The following MTDH variants were observed in gnomAD, a reference collection of about 807,000 sequenced individuals.
MTDH encodes the protein protein LYRIC.
Under a neutral mutation model 72.7 loss-of-function variants are expected in MTDH, and 34 were observed. The observed-to-expected ratio is 0.47, with a 90% CI of 0.36 to 0.62. The LOEUF (loss-of-function observed/expected upper bound fraction) is 0.62. Ranked by LOEUF, MTDH falls within the 20% of genes least tolerant of loss-of-function variation. The probability of loss-of-function intolerance (pLI) is 0.00; values close to 1 mark genes in which losing one functional copy is unlikely to be tolerated. For synonymous variants in MTDH, 266 were observed against 268.9 expected (o/e 0.99, Z 0.10); for missense variants, 677 against 699.4 (o/e 0.97, Z 0.36).
At chr8:97,674,826 C>G (rs1318960321) in intron 2 of MTDH, among the ~76,000 whole-genome samples, 1 of 145,756 alleles carries the variant, frequency 6.9e-6, no homozygotes, top group Admixed American at 6.7e-5. Flanking sequence ...TTTTTTTTTT[C>G]TTGAGACAGA....
At chr8:97,656,874 T>G (rs901452155) in intron 1 of MTDH, among the ~76,000 whole-genome samples, 17 of 151,336 alleles carry the variant, frequency 1.1e-4, no homozygotes, top group Non-Finnish European at 2.9e-5. Context: ...ATGACATGTG[T>G]CTAATGCTGA....
At chr8:97,680,612 A>G (rs1417207384) in intron 2 of MTDH, among the ~76,000 whole-genome samples, 1 of 152,190 alleles carries the variant, frequency 6.6e-6, no homozygotes, top group Non-Finnish European at 1.5e-5. Context: ...TAATATCTGT[A>G]TTATGTATAT....
chr8:97,713,374 C>T lies in MTDH; in HGVS notation c.1273-288C>T, dbSNP rs145752333. The stretch of plus-strand genomic sequence containing the variant: ...TGCTGGGATTACAGGCATGAACCAC[C>T]GTGCCCAGCCTCAGTGAGTTTTTAA... On this transcript the variant is annotated intron_variant, in intron 8 of 11. Transcript: ENST00000336273. 6.6e-3 allele frequency among the ~76,000 whole-genome samples: 1,001 copies of T among 152,256 alleles called. 11 individuals are homozygous for T. Among genetic ancestry groups the T allele is most frequent in the African/African-American group, 0.022 (916 of 41,552 alleles).
chr8:97,652,516 A>G (rs1005130515), intron 1 of MTDH, among the ~76,000 whole-genome samples: 29 of 152,054 alleles, frequency 1.9e-4, no homozygotes, highest in African/African-American at 6.8e-4. Context: ...TTTGTACATT[A>G]TTTGTTTACT....
At chr8:97,650,003 T>C (rs2130910197) in intron 1 of MTDH, among the ~76,000 whole-genome samples, 1 of 152,354 alleles carries the variant, frequency 6.6e-6, no homozygotes, top group African/African-American at 2.4e-5. Flanking sequence ...TCGCCCAGGC[T>C]GGAGTGCAGT....
chr8:97,645,909 C>G (rs1003701607), intron 1 of MTDH, among the ~76,000 whole-genome samples: 4 of 152,144 alleles, frequency 2.6e-5, no homozygotes, highest in African/African-American at 9.7e-5. Context: ...CTTTTCAGTA[C>G]AATTCAGTAA....
intron 7 of MTDH, 22 bp from the exon 8 acceptor site, chr8:97,706,604 A>G (rs1814363296): frequency 6.5e-7 from 1 of 1,531,374 alleles, no homozygotes. Context: ...ATAGACGCCT[A>G]ATTCACACTG....
intron 2 of MTDH, among the ~76,000 whole-genome samples, chr8:97,675,627 C>G (rs981239322): frequency 6.7e-6 from 1 of 148,986 alleles, no homozygotes; most frequent in African/African-American, 2.5e-5. Context: ...AATCCCAGCA[C>G]TTGGGAGGCT....
intron 7 of MTDH, among the ~76,000 whole-genome samples, chr8:97,703,340 A>G (rs1814214440): frequency 6.6e-6 from 1 of 152,232 alleles, no homozygotes; most frequent in African/African-American, 2.4e-5. Flanking sequence ...CCTGGGCAAT[A>G]GAGCGAGACC....
chr8:97,695,120 T>C, intron 6 of MTDH, among the ~76,000 whole-genome samples: 1 of 151,792 alleles, frequency 6.6e-6, no homozygotes. Context: ...TTTTTTTTTT[T>C]TTCTTTAAGA....
chr8:97,676,136 C>T (rs1490043350), intron 2 of MTDH, among the ~76,000 whole-genome samples: 1 of 152,066 alleles, frequency 6.6e-6, no homozygotes, highest in African/African-American at 2.4e-5. Context: ...GACAGGGTCT[C>T]ACTGTATTGC....
intron 2 of MTDH, among the ~76,000 whole-genome samples, chr8:97,678,729 T>C (rs779358767): frequency 1.3e-5 from 2 of 150,878 alleles, no homozygotes; most frequent in Non-Finnish European, 2.9e-5. Context: ...ATGAGCCACC[T>C]TGACTGGCCT....
intron 2 of MTDH, among the ~76,000 whole-genome samples, chr8:97,679,346 G>GTAA (rs911828924): frequency 6.6e-6 from 1 of 151,954 alleles, no homozygotes; most frequent in Non-Finnish European, 1.5e-5. Context: ...GATGATAATA[G>GTAA]TAATAATAAT....
chr8:97,649,523 T>A (rs1402125503), intron 1 of MTDH, among the ~76,000 whole-genome samples: 2 of 152,210 alleles, frequency 1.3e-5, no homozygotes, highest in Non-Finnish European at 2.9e-5. Context: ...CTTAGGCTTG[T>A]CTCTCACCAT....
Position 97,722,972 on chromosome 8 carries a change from A to C in MTDH, c.1615A>C (p.Ile539Leu), listed in dbSNP as rs370648845. Residue 539 changes from isoleucine to leucine, a missense_variant, in exon 11 of 12, where the codon ATA (isoleucine) becomes CTA (leucine). Coordinates refer to ENST00000336273, the MANE Select transcript of MTDH (RefSeq NM_178812.4). Reference protein sequence around the residue: ...SDKSSSQVPPILQETDKSKSN... With the variant: ...SDKSSSQVPPLLQETDKSKSN... ...CAAGAGCTCTTCCCAAGTGCCGCCAATACTACAAGAGACAGATAAATCCAA... is the reference window on the plus strand; with the variant it reads ...CAAGAGCTCTTCCCAAGTGCCGCCACTACTACAAGAGACAGATAAATCCAA... 6.2e-7 allele frequency: 1 copy of C among 1,614,080 alleles called. No individual in the cohort carries two copies. The highest frequency in any genetic ancestry group is 8.5e-7 in the Non-Finnish European group (1 of 1,180,028).
At chr8:97,673,533 G>A (rs537984673) in intron 2 of MTDH, among the ~76,000 whole-genome samples, 60 of 152,206 alleles carry the variant, frequency 3.9e-4, no homozygotes, top group African/African-American at 1.3e-3. Flanking sequence ...GGTGGCTGGC[G>A]CCTGTAATCC....
rs1307886825 is a variant in MTDH at position 97,726,475 on chromosome 8, G to A, written c.*1805G>A. 1 of 152,232 alleles carries A rather than the reference G, an allele frequency of 6.6e-6. No homozygotes were observed. Among genetic ancestry groups the A allele is most frequent in the African/African-American group, 2.4e-5 (1 of 41,452 alleles). The allele number at this position is 152,232 out of a possible 1,614,324, so 9.4% of individuals were successfully genotyped here. A position where few individuals can be genotyped will look rare whatever the true frequency, so the allele number is the denominator to read the frequency against. Reference sequence around the variant, plus strand: ...AGGTACCACAAAGGAGAAGTTGATAGGGAATCTAATTTTAGAATGTGCCAA... The same window carrying A: ...AGGTACCACAAAGGAGAAGTTGATAAGGAATCTAATTTTAGAATGTGCCAA... On this transcript the variant is annotated 3_prime_UTR_variant, in exon 12 of 12. Transcript: ENST00000336273.
rs1815407527 is a variant in MTDH at position 97,727,610 on chromosome 8, T to C, written c.*2940T>C. ...AGCAGGGGAAGACAGCCTCCTATGG[T>C]GGCATGAATAAGATGCTTCCAGAAC... On this transcript the variant is annotated 3_prime_UTR_variant, in exon 12 of 12. Coordinates refer to ENST00000336273, the MANE Select transcript of MTDH (RefSeq NM_178812.4). 1.3e-5 allele frequency: 2 copies of C among 151,990 alleles called. No homozygotes were observed. Among genetic ancestry groups the C allele is most frequent in the African/African-American group, 4.8e-5 (2 of 41,336 alleles). 9.4% of individuals were successfully genotyped at this position (151,990 alleles called of 1,614,324 possible).
intron 2 of MTDH, among the ~76,000 whole-genome samples, chr8:97,682,548 G>A (rs1159834379): frequency 6.6e-6 from 1 of 150,954 alleles, no homozygotes; most frequent in Non-Finnish European, 1.5e-5. Flanking sequence ...TGATCTGCCT[G>A]CCTTGGCCTC....
Sources: allele counts gnomAD v4.1 joint callset (sites outside exome capture counted in the v4.1 genomes callset), GRCh38; gene constraint gnomAD v4.1.1; transcripts MANE v1.5; gene names NCBI Gene and HGNC (gene_info 2026-07-23, HGNC 2026-07-21).